The following RGS7BP variants were observed in gnomAD, a reference collection of about 807,000 sequenced individuals.
RGS7BP encodes regulator of G protein signaling 7 binding protein, also known as regulator of G protein signaling 7-binding protein.
In RGS7BP, 9 loss-of-function variants were observed where a neutral mutation model predicts 31.3. The observed-to-expected ratio is 0.29, with a 90% confidence interval of 0.17 to 0.50. The LOEUF (loss-of-function observed/expected upper bound fraction) is 0.50. Ranked by LOEUF, RGS7BP falls within the 20% of genes least tolerant of loss-of-function variation. The pLI, the probability that RGS7BP is intolerant of heterozygous loss-of-function variation, is 0.98. For synonymous variants in RGS7BP, 115 were observed against 120.1 expected, an observed-to-expected ratio of 0.96 and a Z score of 0.28; for missense variants, 274 against 322.0, an observed-to-expected ratio of 0.85 and a Z score of 1.14.
intron 2 of RGS7BP, among the ~76,000 whole-genome samples, chr5:64,536,128 GTAATATCC>G (rs888881998): frequency 9.2e-5 from 14 of 152,280 alleles, no homozygotes; most frequent in African/African-American, 3.1e-4. Context: ...CTTTGGGTAG[GTAATATCC>G]TCATTAAACA....
rs140802629 is a variant in RGS7BP at position 64,570,472 on chromosome 5, C to T, written c.333-5302C>T. ...ATTCAATTTTCCTTTCATTATGTCT[C>T]ACTCCATTCAACTAAATACATAAAT... is the stretch of plus-strand genomic sequence containing the variant. On this transcript the variant is annotated intron_variant, in intron 2 of 5. Transcript: ENST00000334025. 2.3e-3 allele frequency among the ~76,000 whole-genome samples: 350 copies of T among 152,254 alleles called. 1 individual carries two copies. The highest frequency in any genetic ancestry group is 6.8e-3 in the Middle Eastern group (2 of 294).
At chr5:64,601,956 A>G (rs1239326750) in intron 5 of RGS7BP, among the ~76,000 whole-genome samples, 1 of 152,186 alleles carries the variant, frequency 6.6e-6, no homozygotes, top group Non-Finnish European at 1.5e-5. Flanking sequence ...CAGTATGTTC[A>G]TTCTTGCATA....
At chr5:64,575,455 C>A (rs529270706) in intron 2 of RGS7BP, among the ~76,000 whole-genome samples, 1 of 152,158 alleles carries the variant, frequency 6.6e-6, no homozygotes, top group African/African-American at 2.4e-5. Flanking sequence ...CTAGGAGATT[C>A]TTATGGTTTT....
intron 2 of RGS7BP, among the ~76,000 whole-genome samples, chr5:64,511,075 G>A (rs921023078): frequency 1.3e-5 from 2 of 152,208 alleles, no homozygotes; most frequent in Non-Finnish European, 2.9e-5. Context: ...AAGATAGAGA[G>A]GAAGAGGAAA....
intron 2 of RGS7BP, among the ~76,000 whole-genome samples, chr5:64,514,836 C>T (rs1439254377): frequency 6.6e-6 from 1 of 152,128 alleles, no homozygotes; most frequent in African/African-American, 2.4e-5. Context: ...GGTTCTAACT[C>T]ACACCAGATT....
In RGS7BP at chr5:64,565,301, T is replaced by A. The variant is rs181421555; in HGVS notation, c.333-10473T>A. The stretch of plus-strand genomic sequence containing the variant: ...AGTGAACTCCAGTGTAATACATATA[T>A]TATATGCTGCTTACTTGCTCTCTCT... On this transcript the variant is annotated intron_variant, in intron 2 of 5. Transcript: ENST00000334025. 1.2e-4 allele frequency among the ~76,000 whole-genome samples: 18 copies of A among 149,998 alleles called. No individual in the cohort carries two copies. In the East Asian group the frequency reaches 3.5e-3, roughly 29 times the overall value.
At chr5:64,554,499 A>C (rs1228154052) in intron 2 of RGS7BP, among the ~76,000 whole-genome samples, 1 of 152,182 alleles carries the variant, frequency 6.6e-6, no homozygotes, top group East Asian at 1.9e-4. Context: ...TGCTTAGTGA[A>C]GAGGTAGGGA....
At chr5:64,512,932 C>T (rs918502134) in intron 2 of RGS7BP, among the ~76,000 whole-genome samples, 15 of 152,152 alleles carry the variant, frequency 9.9e-5, no homozygotes, top group African/African-American at 3.6e-4. Context: ...ATCTTTTGGC[C>T]TAGTTCTGGT....
Position 64,609,576 on chromosome 5 carries a change from T to C in RGS7BP, c.*324T>C. On this transcript the variant is annotated 3_prime_UTR_variant, in exon 6 of 6. Coordinates refer to ENST00000334025, the MANE Select transcript of RGS7BP (RefSeq NM_001029875.3). Reference sequence around the variant, plus strand: ...ATTATTTAAAGGTTTTTTAAATGTATTATACAGAGGAAAAATATTTCACAT... The same window carrying C: ...ATTATTTAAAGGTTTTTTAAATGTACTATACAGAGGAAAAATATTTCACAT... The C allele has an allele frequency of 4.2e-6, 1 of 236,880 alleles. No homozygotes were observed. Among genetic ancestry groups the C allele is most frequent in the Non-Finnish European group, 8.5e-6 (1 of 118,170 alleles). 14.7% of individuals were successfully genotyped at this position (236,880 alleles called of 1,614,324 possible). A position where few individuals can be genotyped will look rare whatever the true frequency, so the allele number is the denominator to read the frequency against.
At chr5:64,571,060 A>C (rs1340816040) in intron 2 of RGS7BP, among the ~76,000 whole-genome samples, 1 of 152,104 alleles carries the variant, frequency 6.6e-6, no homozygotes, top group Admixed American at 6.6e-5. Flanking sequence ...ATAGAATATC[A>C]CCCTCACCCC....
At chr5:64,582,170 A>C (rs549257711) in intron 3 of RGS7BP, among the ~76,000 whole-genome samples, 1 of 152,334 alleles carries the variant, frequency 6.6e-6, no homozygotes, top group Admixed American at 6.5e-5. Context: ...ATCTTTTCCC[A>C]TTACTGAGTC....
At chr5:64,556,417 C>CCACA (rs10624566) in intron 2 of RGS7BP, among the ~76,000 whole-genome samples, 2,755 of 125,360 alleles carry the variant, frequency 0.022, 39 homozygotes, top group South Asian at 0.043. Context: ...TCTTCCCCAG[C>CCACA]CACACACACA....
intron 5 of RGS7BP, 80 bp from the exon 6 acceptor site, chr5:64,609,081 G>A (rs775971002): frequency 4.6e-6 from 4 of 876,280 alleles, no homozygotes; most frequent in Non-Finnish European, 7.8e-6. Context: ...TAGGAGGATG[G>A]TGGATTTTTA....
At chr5:64,521,331 C>T (rs1749102705) in intron 2 of RGS7BP, among the ~76,000 whole-genome samples, 2 of 152,320 alleles carry the variant, frequency 1.3e-5, no homozygotes, top group South Asian at 4.1e-4. Flanking sequence ...GGCCTTGGCT[C>T]ACTGCAACCT....
intron 2 of RGS7BP, among the ~76,000 whole-genome samples, chr5:64,538,987 T>G (rs1455991159): frequency 1.3e-5 from 2 of 152,292 alleles, no homozygotes; most frequent in East Asian, 3.9e-4. Flanking sequence ...TGCCCCAGTT[T>G]GTTTATCTAT....
intron 3 of RGS7BP, among the ~76,000 whole-genome samples, chr5:64,585,741 A>T (rs1742730677): frequency 2.0e-5 from 3 of 152,200 alleles, no homozygotes; most frequent in African/African-American, 7.2e-5. Flanking sequence ...AATTTTCCTC[A>T]AACATGCCTA....
chr5:64,594,646 A>C, intron 3 of RGS7BP, 64 bp from the exon 4 acceptor site: 1 of 1,537,604 alleles, frequency 6.5e-7, no homozygotes, highest in South Asian at 1.1e-5. Flanking sequence ...GACATCCTGC[A>C]TATAGAACCT....
chr5:64,572,077 C>T (rs999192279), intron 2 of RGS7BP, among the ~76,000 whole-genome samples: 1 of 152,058 alleles, frequency 6.6e-6, no homozygotes, highest in African/African-American at 2.4e-5. Context: ...TAGAGTGAAA[C>T]GTGTTAGACT....
chr5:64,608,513 T>C (rs1382383723), intron 5 of RGS7BP, among the ~76,000 whole-genome samples: 1 of 152,016 alleles, frequency 6.6e-6, no homozygotes, highest in Non-Finnish European at 1.5e-5. Context: ...AGTCAATGAA[T>C]GAAGGTGTGA....
Sources: gnomAD v4.1 joint callset for allele counts (sites outside exome capture counted in the v4.1 genomes callset) on GRCh38, gnomAD v4.1.1 for gene constraint, MANE v1.5 for transcripts, NCBI Gene and HGNC (gene_info 2026-07-23, HGNC 2026-07-21) for gene names.